NKAIN3: variants seen among roughly 807,000 people sequenced by gnomAD.
NKAIN3 encodes sodium/potassium-transporting ATPase subunit beta-1-interacting protein 3.
In NKAIN3, 25 loss-of-function variants were observed where a neutral mutation model predicts 30.2. The observed-to-expected ratio is 0.83, with a 90% CI of 0.60 to 1.16. The LOEUF (loss-of-function observed/expected upper bound fraction) is 1.16, where lower values mean the gene tolerates loss of function less well. Among genes scored for constraint, NKAIN3 ranks in the 50% most tolerant of loss-of-function variants. The probability of loss-of-function intolerance (pLI) is 0.00; values close to 1 mark genes in which losing one functional copy is unlikely to be tolerated. For missense variants in NKAIN3, 225 were observed against 254.1 expected (o/e 0.89, Z 0.78); for synonymous variants, 91 against 89.6 (o/e 1.02, Z -0.09).
At chr8:62,313,757 T>TCTA (rs1471108334) in intron 1 of NKAIN3, among the ~76,000 whole-genome samples, 1 of 152,190 alleles carries the variant, frequency 6.6e-6, no homozygotes. Flanking sequence ...AGCACCATTT[T>TCTA]TCAAAGAAGA....
intron 1 of NKAIN3, among the ~76,000 whole-genome samples, chr8:62,500,881 T>C (rs1233619429): frequency 2.0e-5 from 3 of 152,134 alleles, no homozygotes; most frequent in Non-Finnish European, 2.9e-5. Context: ...TATGTGATGA[T>C]CCTGGCCCAA....
chr8:62,358,691 C>T (rs980102861), intron 1 of NKAIN3, among the ~76,000 whole-genome samples: 3 of 152,044 alleles, frequency 2.0e-5, no homozygotes, highest in Non-Finnish European at 2.9e-5. Context: ...GCTGAAGAAT[C>T]GTGCTTTAAG....
At chr8:62,625,282 A>G (rs574739329) in intron 3 of NKAIN3, among the ~76,000 whole-genome samples, 21 of 152,136 alleles carry the variant, frequency 1.4e-4, no homozygotes, top group Non-Finnish European at 2.5e-4. Flanking sequence ...TTTAAGTGTT[A>G]TCATAAGTGC....
chr8:62,398,868 G>C (rs2129595087), intron 1 of NKAIN3, among the ~76,000 whole-genome samples: 1 of 152,308 alleles, frequency 6.6e-6, no homozygotes, highest in South Asian at 2.1e-4. Flanking sequence ...AAGGCAGGCA[G>C]ATCACGAGGT....
intron 2 of NKAIN3, among the ~76,000 whole-genome samples, chr8:62,581,014 G>A (rs1007982719): frequency 2.0e-5 from 3 of 149,770 alleles, no homozygotes; most frequent in South Asian, 2.1e-4. Flanking sequence ...AAGGCAGGAG[G>A]ATCGCTTGAA....
chr8:62,437,259 A>G (rs993557815), intron 1 of NKAIN3, among the ~76,000 whole-genome samples: 3 of 152,228 alleles, frequency 2.0e-5, no homozygotes, highest in Non-Finnish European at 4.4e-5. Flanking sequence ...AATAGGTACA[A>G]CTAGCTTATC....
intron 4 of NKAIN3, among the ~76,000 whole-genome samples, chr8:62,914,960 C>G (rs574517210): frequency 3.3e-5 from 5 of 151,952 alleles, no homozygotes; most frequent in South Asian, 2.1e-4. Flanking sequence ...TCCTTGCCCC[C>G]CCACAGGCCC....
chr8:62,412,955 C>T (rs1413775876), intron 1 of NKAIN3, among the ~76,000 whole-genome samples: 2 of 136,908 alleles, frequency 1.5e-5, no homozygotes, highest in African/African-American at 5.4e-5. Flanking sequence ...ATAACAACAA[C>T]AAAATAACCT....
intron 5 of NKAIN3, among the ~76,000 whole-genome samples, chr8:62,951,189 T>C (rs1585614611): frequency 6.6e-6 from 1 of 151,938 alleles, no homozygotes; most frequent in South Asian, 2.1e-4. Context: ...AATCTACAGC[T>C]CCTACCAGCA....
chr8:62,748,415 A>G (rs1431827293), intron 4 of NKAIN3, among the ~76,000 whole-genome samples: 1 of 152,248 alleles, frequency 6.6e-6, no homozygotes, highest in Non-Finnish European at 1.5e-5. Flanking sequence ...TCAACACGCA[A>G]GCATTTGTCA....
intron 1 of NKAIN3, among the ~76,000 whole-genome samples, chr8:62,518,220 C>A (rs1839875): frequency 0.37 from 55,804 of 151,936 alleles, 11,969 homozygotes; most frequent in Non-Finnish European, 0.49. Context: ...ATTAGCCAGG[C>A]ATGGTGGTTT....
intron 4 of NKAIN3, among the ~76,000 whole-genome samples, chr8:62,767,531 G>T (rs927045214): frequency 6.6e-6 from 1 of 152,000 alleles, no homozygotes; most frequent in Non-Finnish European, 1.5e-5. Flanking sequence ...TACATGAGTC[G>T]ATAAACTCTT....
intron 4 of NKAIN3, chr8:62,856,322 C>A: frequency 1.1e-6 from 1 of 927,716 alleles, no homozygotes. Context: ...CTTTGATGAG[C>A]TTCAGCTTTA....
At chr8:62,466,566 A>C (rs1806171359) in intron 1 of NKAIN3, among the ~76,000 whole-genome samples, 1 of 152,132 alleles carries the variant, frequency 6.6e-6, no homozygotes, top group Admixed American at 6.5e-5. Context: ...AAGGGCAAGG[A>C]GAGTTGTGTT....
At chr8:62,609,344 G>C (rs1202869642) in intron 3 of NKAIN3, among the ~76,000 whole-genome samples, 5 of 152,172 alleles carry the variant, frequency 3.3e-5, no homozygotes, top group Non-Finnish European at 5.9e-5. Context: ...TAAATGTGCT[G>C]AAGGCATTGT....
intron 1 of NKAIN3, among the ~76,000 whole-genome samples, chr8:62,339,139 G>A (rs537262634): frequency 6.6e-6 from 1 of 152,132 alleles, no homozygotes; most frequent in South Asian, 2.1e-4. Flanking sequence ...ACATAATGCA[G>A]AAGCTCTGGG....
rs148094134 is a variant in NKAIN3, at chr8:62,565,681, A to T, written c.55-13858A>T. Among the ~76,000 whole-genome samples, 110 of 152,304 alleles carry T rather than the reference A, an allele frequency of 7.2e-4. 1 individual carries two copies. In the Middle Eastern group the frequency reaches 0.02, roughly 28 times the overall value. On this transcript the variant is annotated intron_variant, in intron 1 of 6. Coordinates refer to ENST00000623646, the MANE Select transcript of NKAIN3 (RefSeq NM_001304533.3). The stretch of plus-strand genomic sequence containing the variant: ...TTAAATTTGGTGAAACTAAAATTGA[A>T]TATAGATGCTACTTCACTTGTGTTG...
intron 5 of NKAIN3, among the ~76,000 whole-genome samples, chr8:62,943,097 C>A (rs1393402639): frequency 6.6e-6 from 1 of 152,108 alleles, no homozygotes; most frequent in Admixed American, 6.6e-5. Context: ...AGTAAGCAGA[C>A]AACCCACAGA....
At chr8:62,729,046 A>AAAAAC (rs1815380675) in intron 3 of NKAIN3, among the ~76,000 whole-genome samples, 2 of 139,470 alleles carry the variant, frequency 1.4e-5, no homozygotes, top group Admixed American at 7.3e-5. Context: ...AAAACAAAAA[A>AAAAAC]AAAAAACCTC....
Sources: gnomAD v4.1 joint callset for allele counts (sites outside exome capture counted in the v4.1 genomes callset) on GRCh38, gnomAD v4.1.1 for gene constraint, MANE v1.5 for transcripts, NCBI Gene and HGNC (gene_info 2026-07-23, HGNC 2026-07-21) for gene names.